TGFBR3: variants seen among roughly 807,000 people sequenced by gnomAD.
TGFBR3 encodes transforming growth factor beta receptor 3.
In TGFBR3, 46 loss-of-function variants were observed where a neutral mutation model predicts 87.9. That is an observed-to-expected ratio of 0.52 (90% CI 0.41 to 0.67). The LOEUF (loss-of-function observed/expected upper bound fraction) is 0.67, where lower values mean the gene tolerates loss of function less well. TGFBR3 is among the 30% of genes least tolerant of loss of function. The pLI is 0.00. For missense variants in TGFBR3, 866 were observed against 1,041.9 expected, an observed-to-expected ratio of 0.83 and a Z score of 2.32; for synonymous variants, 381 against 391.6, an observed-to-expected ratio of 0.97 and a Z score of 0.32.
chr1:91,777,011 A>G (rs12090296), intron 3 of TGFBR3, among the ~76,000 whole-genome samples: 20,333 of 151,814 alleles, frequency 0.13, 1,689 homozygotes, highest in East Asian at 0.25. Flanking sequence ...CACCACATCT[A>G]CTCTGAGGTT....
chr1:91,699,121 CCTCT>C (rs1405753769), intron 14 of TGFBR3, among the ~76,000 whole-genome samples: 1 of 152,174 alleles, frequency 6.6e-6, no homozygotes, highest in Non-Finnish European at 1.5e-5. Flanking sequence ...CCTTCTCTAT[CCTCT>C]CTCTCCAGCC....
At chr1:91,714,943 G>A (rs1571433782) in intron 12 of TGFBR3, among the ~76,000 whole-genome samples, 1 of 152,334 alleles carries the variant, frequency 6.6e-6, no homozygotes, top group East Asian at 1.9e-4. Flanking sequence ...TAGCGCCAGC[G>A]GGCTCTGTCC....
At position 91,716,582 on chromosome 1, in the gene TGFBR3, G is replaced by A. The variant is rs767370504; in HGVS notation, c.1693C>T (p.Pro565Ser). 1 of 1,614,014 alleles carries A rather than the reference G, an allele frequency of 6.2e-7. No homozygotes were observed. The change falls in exon 11 of 17, where the codon CCT (proline) becomes TCT (serine). Residue 565 changes from proline (P) to serine (S), a missense_variant. Coordinates refer to ENST00000212355, the MANE Select transcript of TGFBR3 (RefSeq NM_003243.5). ...CAAACACATACCACCACGATTTCAG[G>A]TCGGGTGAACAGGGAAGCATCTCCT... ...DEGDASLFTRPEIVVFNCSLQ... is the reference protein window; with the variant it reads ...DEGDASLFTRSEIVVFNCSLQ...
intron 6 of TGFBR3, among the ~76,000 whole-genome samples, chr1:91,728,252 G>T (rs749510726): frequency 6.6e-5 from 10 of 151,534 alleles, no homozygotes; most frequent in Admixed American, 2.0e-4. Context: ...GTTGGGATAA[G>T]GGAAGCATGG....
At chr1:91,697,951 G>C (rs1263467826) in intron 15 of TGFBR3, 138 bp downstream of exon 15, 1 of 792,342 alleles carries the variant, frequency 1.3e-6, no homozygotes, top group South Asian at 1.5e-5. Flanking sequence ...AGCAAAAAGG[G>C]GAAAGGGGAA....
intron 2 of TGFBR3, among the ~76,000 whole-genome samples, chr1:91,815,885 C>A (rs1207996213): frequency 6.6e-6 from 1 of 152,146 alleles, no homozygotes; most frequent in East Asian, 1.9e-4. Flanking sequence ...AGAAAGCCAA[C>A]CAAGACAGAG....
intron 1 of TGFBR3, among the ~76,000 whole-genome samples, chr1:91,869,075 C>T (rs1678488639): frequency 6.6e-6 from 1 of 152,196 alleles, no homozygotes; most frequent in African/African-American, 2.4e-5. Context: ...CTCAACATCC[C>T]TCCATGGTCC....
At chr1:91,830,858 G>A (rs1676836182) in intron 2 of TGFBR3, among the ~76,000 whole-genome samples, 1 of 152,182 alleles carries the variant, frequency 6.6e-6, no homozygotes, top group South Asian at 2.1e-4. Context: ...TTGGGCCAGT[G>A]CTGCTTCTGC....
chr1:91,814,959 C>T (rs1406955161), intron 2 of TGFBR3, among the ~76,000 whole-genome samples: 4 of 152,140 alleles, frequency 2.6e-5, no homozygotes, highest in Admixed American at 2.6e-4. Flanking sequence ...CCTCCAACAC[C>T]CTCCAAACTG....
upstream of TGFBR3, among the ~76,000 whole-genome samples, chr1:91,888,819 G>A (rs747500971): frequency 3.3e-5 from 5 of 152,202 alleles, no homozygotes; most frequent in African/African-American, 7.2e-5. Context: ...GGTCCCCGTA[G>A]AGCCAGATTC....
intron 7 of TGFBR3, among the ~76,000 whole-genome samples, chr1:91,725,405 G>T (rs1229828488): frequency 6.6e-6 from 1 of 152,164 alleles, no homozygotes; most frequent in African/African-American, 2.4e-5. Flanking sequence ...ATGGAAGGAA[G>T]ATGAACCCCC....
Position 91,789,086 on chromosome 1 carries a change from A to G in TGFBR3, c.246+8201T>C, listed in dbSNP as rs562239462. Reference sequence around the variant, plus strand: ...GCCGAGGCTGACGGATCACAAGGTCAAGAGATCGAGGCCATCCTGGCCAAC... The same window carrying G: ...GCCGAGGCTGACGGATCACAAGGTCGAGAGATCGAGGCCATCCTGGCCAAC... On this transcript the variant is annotated intron_variant, in intron 3 of 16. Transcript: ENST00000212355. 3.3e-5 allele frequency among the ~76,000 whole-genome samples: 5 copies of G among 152,316 alleles called. No homozygotes were observed. The South Asian group carries it at 1.0e-3, about 32-fold the overall frequency.
chr1:91,864,665 C>G (rs1678320108), intron 1 of TGFBR3, among the ~76,000 whole-genome samples: 1 of 152,330 alleles, frequency 6.6e-6, no homozygotes, highest in East Asian at 1.9e-4. Context: ...CAGCTGAACT[C>G]CAGTTTTGGC....
chr1:91,696,016 AAACT>A, intron 15 of TGFBR3, among the ~76,000 whole-genome samples: 1 of 152,358 alleles, frequency 6.6e-6, no homozygotes, highest in East Asian at 1.9e-4. Context: ...TTTGATCAAC[AAACT>A]AACTAAAAAA....
intron 2 of TGFBR3, among the ~76,000 whole-genome samples, chr1:91,857,992 G>C (rs569863159): frequency 2.8e-4 from 43 of 152,296 alleles, no homozygotes; most frequent in African/African-American, 1.0e-3. Flanking sequence ...TCAATCTCCA[G>C]ACCTGGACTA....
upstream of TGFBR3, among the ~76,000 whole-genome samples, chr1:91,887,262 T>TTTTTTG (rs1165045165): frequency 4.8e-4 from 60 of 125,270 alleles, 4 homozygotes; most frequent in African/African-American, 1.8e-3. Flanking sequence ...TTTTTTTTTT[T>TTTTTTG]TGAGATGGAG....
At chr1:91,894,868 T>C (rs528065074) in intron 2 of TGFBR3, among the ~76,000 whole-genome samples, 1 of 152,328 alleles carries the variant, frequency 6.6e-6, no homozygotes, top group Admixed American at 6.5e-5. Flanking sequence ...CCTCCTGGGT[T>C]CAAGAGATTC....
rs1671977374 is a variant in TGFBR3, at chr1:91,711,398, C to T, written c.2166+845G>A. Among the ~76,000 whole-genome samples the T allele has an allele frequency of 2.0e-5, 3 of 152,242 alleles. No individual in the cohort carries two copies. The South Asian group carries it at 6.2e-4, about 32-fold the overall frequency. ...GTGGTTTTTCCTCCTACCTCCATAC[C>T]TAAGACTTAAAATCTGTGAGTTAAA... On this transcript the variant is annotated intron_variant, in intron 13 of 16. Transcript: ENST00000212355.
intron 16 of TGFBR3, among the ~76,000 whole-genome samples, chr1:91,694,198 GC>G (rs926794922): frequency 5.9e-5 from 9 of 152,166 alleles, no homozygotes; most frequent in African/African-American, 1.9e-4. Context: ...TCACTATGTT[GC>G]CCAGGCTGGT....
Sources: gnomAD v4.1 joint callset for allele counts (sites outside exome capture counted in the v4.1 genomes callset) on GRCh38, gnomAD v4.1.1 for gene constraint, MANE v1.5 for transcripts, NCBI Gene and HGNC (gene_info 2026-07-23, HGNC 2026-07-21) for gene names.